SPTAN1: variants seen among roughly 807,000 people sequenced by gnomAD.
SPTAN1 encodes the protein spectrin alpha chain, non-erythrocytic 1.
SPTAN1 carries 61 observed loss-of-function variants against 331.3 expected under a neutral mutation model. That is an observed-to-expected ratio of 0.18 (90% confidence interval 0.15 to 0.23). SPTAN1 has a LOEUF of 0.23. Ranked by LOEUF, SPTAN1 falls within the 10% of genes least tolerant of loss-of-function variation. SPTAN1 has a pLI of 1.00. For synonymous variants in SPTAN1, 1,153 were observed against 1,173.9 expected (o/e 0.98, Z 0.36); for missense variants, 2,043 against 3,147.9 (o/e 0.65, Z 8.40).
At chr9:128,565,847 A>G (rs886906075) in intron 1 of SPTAN1, among the ~76,000 whole-genome samples, 3 of 152,202 alleles carry the variant, frequency 2.0e-5, no homozygotes, top group Non-Finnish European at 2.9e-5. Context: ...TAGTGAACTC[A>G]AAAACCTCTC....
intron 40 of SPTAN1, among the ~76,000 whole-genome samples, chr9:128,614,481 T>G (rs894864871): frequency 2.6e-5 from 4 of 151,834 alleles, no homozygotes; most frequent in African/African-American, 9.7e-5. Context: ...TCCCGGCTAC[T>G]TGGGAGGCTG....
chr9:128,574,834 G>A lies in SPTAN1; in HGVS notation c.504+19G>A. Reference sequence around the variant, plus strand: ...TGACAAGGCACGTTTTGGGAAGAAGGGTTTGCTAAGCTTTACTCAAAGAAA... The same window carrying A: ...TGACAAGGCACGTTTTGGGAAGAAGAGTTTGCTAAGCTTTACTCAAAGAAA... On this transcript the variant is annotated intron_variant, in intron 4 of 56. Coordinates refer to ENST00000372739, the MANE Select transcript of SPTAN1 (RefSeq NM_001130438.3). 1 of 1,613,888 alleles carries A rather than the reference G, an allele frequency of 6.2e-7. No individual in the cohort carries two copies. Among genetic ancestry groups the A allele is most frequent in the Non-Finnish European group, 8.5e-7 (1 of 1,179,846 alleles).
chr9:128,615,446 G>A lies in SPTAN1; in HGVS notation c.5149-186G>A, dbSNP rs994346024. On this transcript the variant is annotated intron_variant, in intron 40 of 56. Coordinates refer to ENST00000372739, the MANE Select transcript of SPTAN1 (RefSeq NM_001130438.3). ...TACTATCAGTGCAAATGTCCACACG[G>A]TAAAAAATAATAATGTCTTATAATG... 8.5e-5 allele frequency among the ~76,000 whole-genome samples: 13 copies of A among 152,158 alleles called. No homozygotes were observed. In the South Asian group the frequency reaches 1.0e-3, roughly 12 times the overall value.
chr9:128,627,716 T>C lies in SPTAN1; in HGVS notation c.6690-209T>C. ...CTGCATGTCCCAGACATCAAGTTGT[T>C]AGAGATCCCGGATTGAGTGGGACCA... On this transcript the variant is annotated intron_variant, in intron 50 of 56. Coordinates refer to ENST00000372739, the MANE Select transcript of SPTAN1 (RefSeq NM_001130438.3). This position sits in a 1 kb window ranked among gnomAD's most constrained non-coding sequence, Gnocchi z 4.9. 1 of 795,360 alleles carries C rather than the reference T, an allele frequency of 1.3e-6. No individual in the cohort carries two copies. The highest frequency in any genetic ancestry group is 1.5e-5 in the South Asian group (1 of 67,224). 49.3% of individuals were successfully genotyped at this position (795,360 alleles called of 1,614,324 possible).
rs374511397 is a variant in SPTAN1 at position 128,625,876 on chromosome 9, C to A, written c.6177C>A (p.Ile2059=). ...CCAAACACGTTCAGTCCAAGGCCATCGAGGCCCGGCACGCCTCCCTCATGA... is the reference window on the plus strand; with the variant it reads ...CCAAACACGTTCAGTCCAAGGCCATAGAGGCCCGGCACGCCTCCCTCATGA... ...LAAKHVQSKA[I]EARHASLMKR... The change falls in exon 48 of 57, where the codon ATC becomes ATA. Residue 2059 remains isoleucine, a synonymous_variant. Coordinates refer to ENST00000372739, the MANE Select transcript of SPTAN1 (RefSeq NM_001130438.3). The surrounding 1 kb of genome is among the most constrained non-coding windows in gnomAD (Gnocchi z 4.1). 6.2e-7 allele frequency: 1 copy of A among 1,614,186 alleles called. No individual in the cohort carries two copies. Among genetic ancestry groups the A allele is most frequent in the East Asian group, 2.2e-5 (1 of 44,876 alleles).
rs1857527960 is a variant in SPTAN1, at chr9:128,619,034, T to C, written c.5733+31T>C. 1.9e-6 allele frequency: 3 copies of C among 1,612,740 alleles called. 1 individual carries two copies. Among genetic ancestry groups the C allele is most frequent in the Non-Finnish European group, 2.5e-6 (3 of 1,179,792 alleles). On this transcript the variant is annotated intron_variant, in intron 44 of 56. Transcript: ENST00000372739. ...ACAGAAACCAAAGGTGTCACCTGCT[T>C]TCTCTCTTGGCAACTGCCTGCTGGT... is the stretch of plus-strand genomic sequence containing the variant.
chr9:128,599,215 A>G lies in SPTAN1; in HGVS notation c.3543+229A>G, dbSNP rs1208776164. 15 of 536,864 alleles carry G rather than the reference A, an allele frequency of 2.8e-5. No homozygotes were observed. The East Asian group carries it at 3.9e-4, about 14-fold the overall frequency. 33.3% of individuals were successfully genotyped at this position (536,864 alleles called of 1,614,324 possible). A position where few individuals can be genotyped will look rare whatever the true frequency, so the allele number is the denominator to read the frequency against. On this transcript the variant is annotated intron_variant, in intron 26 of 56. Coordinates refer to ENST00000372739, the MANE Select transcript of SPTAN1 (RefSeq NM_001130438.3). ...AGTGGTGTGATCTTGGCTCACTGCA[A>G]CCTCCACCTCCCAGGTTCAAGCGAT...
At chr9:128,630,176 G>A (rs1859469128) in intron 51 of SPTAN1, 145 bp from the exon 52 acceptor site, 3 of 875,506 alleles carry the variant, frequency 3.4e-6, no homozygotes, top group South Asian at 1.3e-5. Context: ...GGCCCATTAG[G>A]TAAAGATGGC....
At chr9:128,631,395 GTTGCAGTGA>G (rs1859704081) in intron 52 of SPTAN1, 1 of 152,282 alleles carries the variant, frequency 6.6e-6, no homozygotes, top group Non-Finnish European at 1.5e-5. Context: ...GGATGCGGAG[GTTGCAGTGA>G]CCCGAGATCA....
At position 128,625,973 on chromosome 9, in the gene SPTAN1, C is replaced by T. The variant is rs771651648; in HGVS notation, c.6274C>T (p.Arg2092Cys). ...GCTTCTGGAGGCTCAGAGTCACTTC[C>T]GCAAGGTGAGGATGGGGCCACGTGA... is the stretch of plus-strand genomic sequence containing the variant. ...KKLLEAQSHF[R>C]KVEDLFLTFA... The change falls in exon 48 of 57, where the codon CGC becomes TGC. Residue 2092 changes from arginine to cysteine, a missense_variant. By Grantham distance (180) the Arg-to-Cys change is radical. Transcript: ENST00000372739. This position sits in a 1 kb window ranked among gnomAD's most constrained non-coding sequence, Gnocchi z 4.1. The T allele has an allele frequency of 7.4e-6, 12 of 1,613,924 alleles. No homozygotes were observed. The highest frequency in any genetic ancestry group is 4.5e-5 in the East Asian group (2 of 44,890).
Position 128,633,206 on chromosome 9 carries a change from C to T in SPTAN1, c.7309-3C>T. On this transcript the variant is annotated splice_polypyrimidine_tract_variant and splice_region_variant and intron_variant, in intron 56 of 56. Coordinates refer to ENST00000372739, the MANE Select transcript of SPTAN1 (RefSeq NM_001130438.3). Reference sequence around the variant, plus strand: ...GCACCAGGTGCCATCTCTTACCCCACAGAACCTGACCCGGGAACAAGCCGA... The same window carrying T: ...GCACCAGGTGCCATCTCTTACCCCATAGAACCTGACCCGGGAACAAGCCGA... The T allele has an allele frequency of 6.2e-7, 1 of 1,614,048 alleles. No homozygotes were observed. Among genetic ancestry groups the T allele is most frequent in the East Asian group, 2.2e-5 (1 of 44,880 alleles).
chr9:128,604,071 A>G (rs929013801), intron 28 of SPTAN1, among the ~76,000 whole-genome samples: 5 of 152,356 alleles, frequency 3.3e-5, no homozygotes, highest in Non-Finnish European at 7.3e-5. Context: ...AGGAAAAGTC[A>G]GCTGTGTCTC....
intron 3 of SPTAN1, among the ~76,000 whole-genome samples, chr9:128,573,582 G>A (rs1479223392): frequency 1.3e-5 from 2 of 151,906 alleles, no homozygotes; most frequent in African/African-American, 2.4e-5. Flanking sequence ...TCAGCCTCCC[G>A]AGTAGCTGGG....
chr9:128,600,974 CTTTTTTTTTT>C lies in SPTAN1; in HGVS notation c.3579+877_3579+886del, dbSNP rs60290370. Reference sequence around the variant, plus strand: ...CACAGCACACAGCCAGGGAGAAAGTCTTTTTTTTTTTTTTTTTTTTTTTTTTTGAGACGGA... The same window carrying C: ...CACAGCACACAGCCAGGGAGAAAGTCTTTTTTTTTTTTTTTTTGAGACGGA... On this transcript the variant is annotated intron_variant, in intron 27 of 56. Transcript: ENST00000372739. Among the ~76,000 whole-genome samples, 49 of 40,864 alleles carry C rather than the reference CTTTTTTTTTT, an allele frequency of 1.2e-3. 2 individuals are homozygous for C. Among genetic ancestry groups the C allele is most frequent in the African/African-American group, 1.4e-3 (16 of 11,324 alleles). The allele number at this position is 40,864 out of a possible 152,430, so 26.8% of individuals were successfully genotyped here.
chr9:128,577,016 A>G lies in SPTAN1; in HGVS notation c.785+60A>G. On this transcript the variant is annotated intron_variant, in intron 6 of 56. Coordinates refer to ENST00000372739, the MANE Select transcript of SPTAN1 (RefSeq NM_001130438.3). This position sits in a 1 kb window ranked among gnomAD's most constrained non-coding sequence, Gnocchi z 4.2. ...TCAACCTGGAGGGGAGTTGTGAAGC[A>G]CAGGGCATGTGCTGGTGAGCTGTCG... 6.2e-7 allele frequency: 1 copy of G among 1,614,016 alleles called. No homozygotes were observed.
intron 3 of SPTAN1, among the ~76,000 whole-genome samples, chr9:128,572,928 G>GA (rs752734266): frequency 6.6e-5 from 10 of 152,172 alleles, no homozygotes; most frequent in Non-Finnish European, 1.5e-4. Context: ...TGGTGGAAGT[G>GA]AATTGTGTGA....
chr9:128,613,357 T>C (rs1481246793), intron 39 of SPTAN1, 24 bp from the exon 40 acceptor site: 5 of 1,600,302 alleles, frequency 3.1e-6, no homozygotes, highest in Non-Finnish European at 4.3e-6. Flanking sequence ...CAGTAGCCTT[T>C]GCTTTTTGTG....
At chr9:128,593,313 C>T (rs1853786022) in intron 23 of SPTAN1, 2 of 527,460 alleles carry the variant, frequency 3.8e-6, no homozygotes, top group Non-Finnish European at 7.0e-6. Flanking sequence ...TGTGGTGGAC[C>T]AGCCACTATC....
chr9:128,620,184 T>C (rs1857664515), intron 44 of SPTAN1, among the ~76,000 whole-genome samples: 1 of 152,214 alleles, frequency 6.6e-6, no homozygotes, highest in Admixed American at 6.5e-5. Context: ...AAGGAGATGC[T>C]GCAAAGTATC....
Sources: allele counts gnomAD v4.1 joint callset (sites outside exome capture counted in the v4.1 genomes callset), GRCh38; gene constraint gnomAD v4.1.1; non-coding constraint Gnocchi (gnomAD v3.1); transcripts MANE v1.5; gene names NCBI Gene and HGNC (gene_info 2026-07-23, HGNC 2026-07-21).